The following UBAC2 variants were observed in gnomAD, a reference collection of about 807,000 sequenced individuals.
UBAC2 encodes ubiquitin-associated domain-containing protein 2.
Under a neutral mutation model 44.0 loss-of-function variants are expected in UBAC2, and 26 were observed. The ratio of observed to expected loss-of-function variants is 0.59; its 90% CI spans 0.43 to 0.82. The LOEUF (loss-of-function observed/expected upper bound fraction) is 0.82, where lower values mean the gene tolerates loss of function less well. UBAC2 is among the 40% of genes least tolerant of loss of function. The pLI, the probability that UBAC2 is intolerant of heterozygous loss-of-function variation, is 0.00. For missense variants in UBAC2, 329 were observed against 419.4 expected (o/e 0.78, Z 1.88); for synonymous variants, 155 against 154.3 (o/e 1.00, Z -0.04).
At chr13:99,215,471 C>G in intron 1 of UBAC2, 1 of 1,399,994 alleles carries the variant, frequency 7.1e-7, no homozygotes, top group Non-Finnish European at 1.0e-6. Context: ...GAATCCAATT[C>G]TTCATCTGCA....
At chr13:99,302,260 A>G (rs2044267478) in intron 4 of UBAC2, among the ~76,000 whole-genome samples, 1 of 152,248 alleles carries the variant, frequency 6.6e-6, no homozygotes, top group Admixed American at 6.5e-5. Context: ...CTTTGAGGAA[A>G]GGTTAAGACT....
At chr13:99,223,356 C>T (rs1361313416) in intron 1 of UBAC2, among the ~76,000 whole-genome samples, 1 of 151,914 alleles carries the variant, frequency 6.6e-6, no homozygotes, top group Non-Finnish European at 1.5e-5. Flanking sequence ...ATTGTGTCTT[C>T]TCTCTTTTTG....
chr13:99,248,413 CAG>C (rs1450382191), intron 4 of UBAC2, among the ~76,000 whole-genome samples: 2 of 134,932 alleles, frequency 1.5e-5, no homozygotes, highest in African/African-American at 5.6e-5. Flanking sequence ...TTTTTTGAGA[CAG>C]ATTTTCACTC....
intron 1 of UBAC2, among the ~76,000 whole-genome samples, chr13:99,208,934 G>T (rs997066731): frequency 6.6e-6 from 1 of 152,166 alleles, no homozygotes. Flanking sequence ...GTTTATTTTG[G>T]TGACTCCTCA....
chr13:99,335,389 TC>T (rs1448535602), intron 6 of UBAC2, among the ~76,000 whole-genome samples: 3 of 150,496 alleles, frequency 2.0e-5, no homozygotes, highest in Non-Finnish European at 3.0e-5. Context: ...TTTTTTTTTT[TC>T]CATATTGACT....
chr13:99,383,370 A>G (rs1053876848), intron 8 of UBAC2, among the ~76,000 whole-genome samples: 1 of 152,242 alleles, frequency 6.6e-6, no homozygotes, highest in Non-Finnish European at 1.5e-5. Flanking sequence ...ATTCTTTTCA[A>G]TTCTAGTTTT....
At chr13:99,314,451 CTG>C (rs1258805726) in intron 5 of UBAC2, among the ~76,000 whole-genome samples, 3 of 152,108 alleles carry the variant, frequency 2.0e-5, no homozygotes, top group African/African-American at 7.2e-5. Flanking sequence ...AGAGCTTTCA[CTG>C]TAATTTGTAT....
chr13:99,378,210 G>GAGCC (rs1486871151), intron 8 of UBAC2, among the ~76,000 whole-genome samples: 9 of 152,100 alleles, frequency 5.9e-5, no homozygotes, highest in Admixed American at 5.2e-4. Flanking sequence ...TGAACAGCTG[G>GAGCC]AGCCCCCTTA....
chr13:99,262,810 G>A (rs1220524356), intron 4 of UBAC2, among the ~76,000 whole-genome samples: 1 of 150,400 alleles, frequency 6.6e-6, no homozygotes, highest in Non-Finnish European at 1.5e-5. Flanking sequence ...ATATAATAGT[G>A]TGTGTGGTTG....
intron 4 of UBAC2, among the ~76,000 whole-genome samples, chr13:99,250,548 T>C (rs535837727): frequency 6.6e-6 from 1 of 152,150 alleles, no homozygotes; most frequent in African/African-American, 2.4e-5. Context: ...CTTTGGCTAT[T>C]TGGGGCTCTT....
intron 7 of UBAC2, among the ~76,000 whole-genome samples, chr13:99,353,526 A>AATG (rs199652984): frequency 6.6e-6 from 1 of 152,220 alleles, no homozygotes; most frequent in Admixed American, 6.5e-5. Flanking sequence ...AAAACAAGCA[A>AATG]ATGATGATGA....
At chr13:99,290,259 C>G (rs529567796) in intron 4 of UBAC2, among the ~76,000 whole-genome samples, 1 of 152,320 alleles carries the variant, frequency 6.6e-6, no homozygotes, top group East Asian at 1.9e-4. Flanking sequence ...GCTTAAAGCA[C>G]TATGCTATAT....
At position 99,385,832 on chromosome 13, in the gene UBAC2, G is replaced by C; in HGVS notation, c.*497G>C. The C allele has an allele frequency of 6.2e-6, 1 of 161,212 alleles. No homozygotes were observed. Among genetic ancestry groups the C allele is most frequent in the Admixed American group, 5.8e-5 (1 of 17,206 alleles). The allele number at this position is 161,212 out of a possible 1,614,324, so 10.0% of individuals were successfully genotyped here. A position where few individuals can be genotyped will look rare whatever the true frequency, so the allele number is the denominator to read the frequency against. On this transcript the variant is annotated 3_prime_UTR_variant, in exon 9 of 9. Transcript: ENST00000403766. Reference sequence around the variant, plus strand: ...CCTGGGAGTGAGGGAGAAACAGGGAGCTGAATCCTCCCCCAAGCTGTTCCA... The same window carrying C: ...CCTGGGAGTGAGGGAGAAACAGGGACCTGAATCCTCCCCCAAGCTGTTCCA...
At chr13:99,219,857 T>C (rs2043035473) in intron 1 of UBAC2, among the ~76,000 whole-genome samples, 1 of 152,220 alleles carries the variant, frequency 6.6e-6, no homozygotes. Flanking sequence ...CTTAGCATAA[T>C]GTTTTTGAGG....
chr13:99,269,646 T>A (rs2043791802), intron 4 of UBAC2, among the ~76,000 whole-genome samples: 1 of 152,196 alleles, frequency 6.6e-6, no homozygotes, highest in African/African-American at 2.4e-5. Flanking sequence ...GGGTGACATA[T>A]TTGAAACATT....
chr13:99,266,686 T>A (rs1339318988), intron 4 of UBAC2, among the ~76,000 whole-genome samples: 2 of 151,686 alleles, frequency 1.3e-5, no homozygotes, highest in Non-Finnish European at 2.9e-5. Flanking sequence ...ACATGTTAAA[T>A]ATATATATAT....
intron 1 of UBAC2, among the ~76,000 whole-genome samples, chr13:99,213,234 T>A (rs557893754): frequency 3.9e-5 from 6 of 152,174 alleles, no homozygotes; most frequent in East Asian, 3.9e-4. Flanking sequence ...TTTTTTTTTT[T>A]ATTTAAGATG....
rs764990278 is a variant in UBAC2 at position 99,340,512 on chromosome 13, C to T, written c.754C>T (p.Arg252Trp). 3.7e-5 allele frequency: 59 copies of T among 1,614,128 alleles called. No homozygotes were observed. Among genetic ancestry groups the T allele is most frequent in the Non-Finnish European group, 4.6e-5 (54 of 1,180,032 alleles). The change falls in exon 7 of 9, where the codon CGG becomes TGG. Residue 252 changes from arginine (R) to tryptophan (W), a missense_variant. Transcript: ENST00000403766. ...ACAGCAGAGAATGGAGCTGCTGGAC[C>T]GGCAGCTGATGTTCTCTCAGTTTGC... ...QRQQRMELLDRQLMFSQFAQG... is the reference protein window; with the variant it reads ...QRQQRMELLDWQLMFSQFAQG...
intron 8 of UBAC2, among the ~76,000 whole-genome samples, chr13:99,371,467 A>G (rs1021397980): frequency 1.3e-5 from 2 of 152,182 alleles, no homozygotes; most frequent in Admixed American, 6.5e-5. Context: ...AGTGGGTACT[A>G]TAGAGATTAT....
Sources: allele counts gnomAD v4.1 joint callset (sites outside exome capture counted in the v4.1 genomes callset), GRCh38; gene constraint gnomAD v4.1.1; transcripts MANE v1.5; gene names NCBI Gene and HGNC (gene_info 2026-07-23, HGNC 2026-07-21).